Variants in SNTA1 observed in about 807,000 individuals in gnomAD.
SNTA1 encodes the protein syntrophin alpha 1.
In SNTA1, 31 loss-of-function variants were observed where a neutral mutation model predicts 47.1. The observed-to-expected ratio is 0.66, with a 90% CI of 0.49 to 0.89. The LOEUF (loss-of-function observed/expected upper bound fraction) is 0.89. SNTA1 is among the 40% of genes least tolerant of loss of function. SNTA1 has a pLI of 0.00. For missense variants in SNTA1, 575 were observed against 693.0 expected, an observed-to-expected ratio of 0.83 and a Z score of 1.91; for synonymous variants, 300 against 313.6, an observed-to-expected ratio of 0.96 and a Z score of 0.46.
In SNTA1 at chr20:33,438,962, C is replaced by G. The variant is rs201421292; in HGVS notation, c.375G>C (p.Gln125His). ...CATCCCCCACAAAAAGGGCCTCTGT[C>G]TGGTCAGCTGCCAATCCCTTGAAGA... ...SKIFKGLAAD[Q>H]TEALFVGDAI... The change falls in exon 2 of 8, where the codon CAG (glutamine) becomes CAC (histidine). Residue 125 changes from glutamine (Q) to histidine (H), a missense_variant. Physicochemically the swap from Gln to His is conservative, Grantham distance 24. Transcript: ENST00000217381. 2.5e-6 allele frequency: 4 copies of G among 1,614,068 alleles called. No individual in the cohort carries two copies. The highest frequency in any genetic ancestry group is 3.4e-6 in the Non-Finnish European group (4 of 1,180,020).
chr20:33,433,356 C>T (rs897368688), intron 2 of SNTA1, among the ~76,000 whole-genome samples: 2 of 151,340 alleles, frequency 1.3e-5, no homozygotes, highest in Admixed American at 6.6e-5. Context: ...CCTCTGCCTC[C>T]TGGGTTCAAG....
intron 3 of SNTA1, among the ~76,000 whole-genome samples, chr20:33,415,510 C>T (rs1344270669): frequency 2.6e-5 from 4 of 151,812 alleles, no homozygotes; most frequent in Admixed American, 6.6e-5. Context: ...CAGCCGGGCG[C>T]GGTGGCTCAT....
intron 1 of SNTA1, among the ~76,000 whole-genome samples, chr20:33,442,538 G>T (rs545518209): frequency 9.3e-4 from 142 of 152,148 alleles, no homozygotes; most frequent in Non-Finnish European, 1.7e-3. Flanking sequence ...TGCTGGTGTG[G>T]TGAGCCCTGC....
Position 33,410,186 on chromosome 20 carries a change from G to GC in SNTA1, c.1185dup (p.Leu396AlafsTer42). On this transcript the variant is annotated frameshift_variant, in exon 6 of 8. Coordinates refer to ENST00000217381, the MANE Select transcript of SNTA1 (RefSeq NM_003098.3). LOFTEE classifies it high-confidence loss of function. Reference sequence around the variant, plus strand: ...GCGGCCCGGTGACAGCCATCCACAAGCTGGCGGGTCCAGGCAGCCAGCTCC... The same window carrying GC: ...GCGGCCCGGTGACAGCCATCCACAAGCCTGGCGGGTCCAGGCAGCCAGCTCC... 6.2e-7 allele frequency: 1 copy of GC among 1,614,208 alleles called. No homozygotes were observed. The highest frequency in any genetic ancestry group is 8.5e-7 in the Non-Finnish European group (1 of 1,180,040).
intron 1 of SNTA1, among the ~76,000 whole-genome samples, chr20:33,439,551 T>C (rs1990530085): frequency 6.6e-6 from 1 of 152,240 alleles, no homozygotes; most frequent in Non-Finnish European, 1.5e-5. Flanking sequence ...GTTTGATCCC[T>C]GGATCTTTTG....
Position 33,415,505 on chromosome 20 carries a change from G to A in SNTA1, c.701+2214C>T, listed in dbSNP as rs140413596. Reference sequence around the variant, plus strand: ...CCCTGTCTCTAGTAAAAATACAGCCGGGCGCGGTGGCTCATGCCTGTAATC... The same window carrying A: ...CCCTGTCTCTAGTAAAAATACAGCCAGGCGCGGTGGCTCATGCCTGTAATC... On this transcript the variant is annotated intron_variant, in intron 3 of 7. Transcript: ENST00000217381. Among the ~76,000 whole-genome samples the A allele has an allele frequency of 1.9e-3, 293 of 152,084 alleles. 1 individual carries two copies. Among genetic ancestry groups the A allele is most frequent in the African/African-American group, 6.7e-3 (279 of 41,492 alleles).
chr20:33,430,102 C>T (rs1386245209), intron 2 of SNTA1, among the ~76,000 whole-genome samples: 1 of 152,002 alleles, frequency 6.6e-6, no homozygotes, highest in Non-Finnish European at 1.5e-5. Flanking sequence ...AGATAATGCT[C>T]GTATCAACTC....
chr20:33,425,312 G>C (rs1371189523), intron 2 of SNTA1, among the ~76,000 whole-genome samples: 1 of 152,104 alleles, frequency 6.6e-6, no homozygotes, highest in Non-Finnish European at 1.5e-5. Context: ...AAATGTGTTA[G>C]ATGAATAAAC....
rs577552767 is a variant in SNTA1, at chr20:33,443,709, G to T, written c.-89C>A. ...CCAAGCGCCCAGGGCAGAGGGCAGC[G>T]GGGGCCCGGCTGGGCCAGCCGCCAC... On this transcript the variant is annotated 5_prime_UTR_variant, in exon 1 of 8. Coordinates refer to ENST00000217381, the MANE Select transcript of SNTA1 (RefSeq NM_003098.3). 1.5e-3 allele frequency: 1,259 copies of T among 865,156 alleles called. 17 individuals carry two copies. In the African/African-American group the frequency reaches 0.021, roughly 15 times the overall value. The allele number at this position is 865,156 out of a possible 1,614,324, so 53.6% of individuals were successfully genotyped here.
At chr20:33,417,623 TG>T in intron 3 of SNTA1, 95 bp downstream of exon 3, 1 of 875,062 alleles carries the variant, frequency 1.1e-6, no homozygotes, top group South Asian at 1.4e-5. Context: ...GGCATTGTGC[TG>T]GTCATTCGTA....
At chr20:33,428,050 G>A (rs1324210858) in intron 2 of SNTA1, among the ~76,000 whole-genome samples, 1 of 151,966 alleles carries the variant, frequency 6.6e-6, no homozygotes, top group Non-Finnish European at 1.5e-5. Context: ...TCAGCTTCAG[G>A]AGTAAATAGG....
chr20:33,435,916 C>T (rs1027691025), intron 2 of SNTA1, among the ~76,000 whole-genome samples: 17 of 151,994 alleles, frequency 1.1e-4, no homozygotes, highest in South Asian at 4.2e-4. Context: ...GGAGGTGGGC[C>T]GGGCGCGGTG....
chr20:33,433,851 T>C (rs1014972900), intron 2 of SNTA1, among the ~76,000 whole-genome samples: 1 of 152,132 alleles, frequency 6.6e-6, no homozygotes, highest in African/African-American at 2.4e-5. Context: ...ACCCCTGACC[T>C]AGTAGAAGAA....
intron 3 of SNTA1, among the ~76,000 whole-genome samples, chr20:33,416,142 G>A (rs1480664742): frequency 3.9e-5 from 6 of 152,182 alleles, no homozygotes; most frequent in African/African-American, 7.2e-5. Flanking sequence ...TTAGAGCATC[G>A]GCAAGTGACC....
chr20:33,416,032 C>T (rs1242218588), intron 3 of SNTA1, among the ~76,000 whole-genome samples: 2 of 151,942 alleles, frequency 1.3e-5, no homozygotes, highest in African/African-American at 4.8e-5. Context: ...CGCTTGAACC[C>T]GGGAGAAGGG....
chr20:33,426,842 G>A (rs574422976), intron 2 of SNTA1, among the ~76,000 whole-genome samples: 2 of 151,538 alleles, frequency 1.3e-5, no homozygotes, highest in South Asian at 4.2e-4. Context: ...CAGGACGATC[G>A]CTTGAGCCCA....
intron 2 of SNTA1, among the ~76,000 whole-genome samples, chr20:33,429,853 C>G (rs1990257166): frequency 6.6e-6 from 1 of 152,102 alleles, no homozygotes; most frequent in Admixed American, 6.6e-5. Flanking sequence ...TCCTCCACAT[C>G]CCAGGCTCAA....
chr20:33,432,009 T>C (rs1015309876), intron 2 of SNTA1, among the ~76,000 whole-genome samples: 1 of 152,184 alleles, frequency 6.6e-6, no homozygotes, highest in South Asian at 2.1e-4. Context: ...GGGAGTCACA[T>C]GGTCCAAAGC....
intron 1 of SNTA1, among the ~76,000 whole-genome samples, chr20:33,440,684 G>A (rs138107172): frequency 1.6e-3 from 244 of 152,014 alleles, no homozygotes; most frequent in Admixed American, 5.0e-3. Context: ...CAGGCATGGC[G>A]GTGTGTGCCT....
Sources: allele counts gnomAD v4.1 joint callset (sites outside exome capture counted in the v4.1 genomes callset), GRCh38; gene constraint gnomAD v4.1.1; transcripts MANE v1.5; gene names NCBI Gene and HGNC (gene_info 2026-07-23, HGNC 2026-07-21).